The following ZNF804B variants were observed in gnomAD, a reference collection of about 807,000 sequenced individuals.
ZNF804B encodes zinc finger 804B.
In ZNF804B, 80 loss-of-function variants were observed where a neutral mutation model predicts 101.4. That is an observed-to-expected ratio of 0.79 (90% CI 0.66 to 0.95). The LOEUF (loss-of-function observed/expected upper bound fraction) is 0.95, where lower values mean the gene tolerates loss of function less well. ZNF804B is among the 40% of genes least tolerant of loss of function. The pLI is 0.00. For synonymous variants in ZNF804B, 622 were observed against 558.8 expected (o/e 1.11, Z -1.59); for missense variants, 1,673 against 1,561.9 (o/e 1.07, Z -1.20).
intron 1 of ZNF804B, among the ~76,000 whole-genome samples, chr7:89,173,805 G>C (rs1791276257): frequency 6.6e-6 from 1 of 151,854 alleles, no homozygotes; most frequent in African/African-American, 2.4e-5. Flanking sequence ...AGCAAAATTG[G>C]CCTATAGTGG....
chr7:89,276,070 A>G (rs1052065114), intron 2 of ZNF804B, among the ~76,000 whole-genome samples: 27 of 151,958 alleles, frequency 1.8e-4, no homozygotes, highest in Admixed American at 9.2e-4. Flanking sequence ...ACACAGGAAC[A>G]GAAAACCAAA....
chr7:89,167,357 T>A (rs919950848), intron 1 of ZNF804B, among the ~76,000 whole-genome samples: 76 of 151,698 alleles, frequency 5.0e-4, no homozygotes, highest in African/African-American at 1.7e-3. Context: ...GCAGGAGAAT[T>A]GCTGGAACCC....
intron 2 of ZNF804B, 117 bp downstream of exon 2, chr7:89,218,412 T>A: frequency 8.1e-7 from 1 of 1,235,890 alleles, no homozygotes; most frequent in Non-Finnish European, 1.1e-6. Flanking sequence ...ACATTTTATG[T>A]CTTTTTTCCC....
At chr7:89,100,293 A>G (rs1180123300) in intron 1 of ZNF804B, among the ~76,000 whole-genome samples, 2 of 152,156 alleles carry the variant, frequency 1.3e-5, no homozygotes, top group African/African-American at 2.4e-5. Context: ...CATATCACTT[A>G]CCATTTATAA....
chr7:89,264,388 G>C (rs997245493), intron 2 of ZNF804B, among the ~76,000 whole-genome samples: 7 of 152,168 alleles, frequency 4.6e-5, no homozygotes, highest in Non-Finnish European at 8.8e-5. Flanking sequence ...AACTAATACA[G>C]TCTTTCTCTT....
intron 2 of ZNF804B, among the ~76,000 whole-genome samples, chr7:89,326,867 T>G (rs575591250): frequency 6.6e-6 from 1 of 152,088 alleles, no homozygotes; most frequent in African/African-American, 2.4e-5. Context: ...CAAAATCACA[T>G]TTAGAGCTTT....
chr7:88,904,437 C>A (rs1584007984), intron 1 of ZNF804B, among the ~76,000 whole-genome samples: 1 of 152,000 alleles, frequency 6.6e-6, no homozygotes, highest in East Asian at 1.9e-4. Flanking sequence ...GCTATTCAGG[C>A]CTTTTTTGGT....
chr7:88,965,734 G>C (rs964714701), intron 1 of ZNF804B, among the ~76,000 whole-genome samples: 1 of 151,352 alleles, frequency 6.6e-6, no homozygotes. Flanking sequence ...TTTTCTTATT[G>C]CAGTGAATTG....
At position 88,831,028 on chromosome 7, in the gene ZNF804B, A is replaced by T. The variant is rs183835221; in HGVS notation, c.108+70944A>T. Among the ~76,000 whole-genome samples the T allele has an allele frequency of 4.1e-3, 629 of 151,950 alleles. 1 individual carries two copies. The highest frequency in any genetic ancestry group is 6.9e-3 in the Non-Finnish European group (471 of 67,854). ...TTGTCAGTTTTATTTAGATTAAAAA[A>T]TTTTTTTGAAAAGATAACAGTTGTG... On this transcript the variant is annotated intron_variant, in intron 1 of 3. Coordinates refer to ENST00000333190, the MANE Select transcript of ZNF804B (RefSeq NM_181646.5).
At chr7:88,909,279 A>C (rs865795859) in intron 1 of ZNF804B, among the ~76,000 whole-genome samples, 8 of 151,960 alleles carry the variant, frequency 5.3e-5, no homozygotes, top group Middle Eastern at 6.8e-3. Flanking sequence ...CATCTGCATG[A>C]GAAGATTAAC....
Position 89,333,538 on chromosome 7 carries a change from C to G in ZNF804B, c.556C>G (p.Pro186Ala). The G allele has an allele frequency of 6.2e-7, 1 of 1,613,454 alleles. No homozygotes were observed. Among genetic ancestry groups the G allele is most frequent in the Non-Finnish European group, 8.5e-7 (1 of 1,179,654 alleles). ...IISDKQRSTM[P>A]NRHQLQSDRR... ...ATCCGATAAACAGCGGTCCACCATG[C>G]CAAATCGACACCAATTACAATCAGA... is the stretch of plus-strand genomic sequence containing the variant. Residue 186 changes from proline to alanine, a missense_variant, in exon 4 of 4, where the codon CCA becomes GCA. Transcript: ENST00000333190.
At chr7:89,179,173 A>G (rs531297093) in intron 1 of ZNF804B, among the ~76,000 whole-genome samples, 2 of 152,102 alleles carry the variant, frequency 1.3e-5, no homozygotes, top group Non-Finnish European at 2.9e-5. Flanking sequence ...GTATTTAATA[A>G]CCTTCTTGTA....
intron 1 of ZNF804B, among the ~76,000 whole-genome samples, chr7:88,777,641 G>C (rs949913071): frequency 6.6e-6 from 1 of 151,952 alleles, no homozygotes; most frequent in Non-Finnish European, 1.5e-5. Flanking sequence ...TCAGGAATTC[G>C]AGATCAGCCT....
intron 1 of ZNF804B, among the ~76,000 whole-genome samples, chr7:88,962,706 C>CTCAT (rs1554349972): frequency 1.6e-5 from 1 of 61,890 alleles, no homozygotes; most frequent in Non-Finnish European, 3.3e-5. Flanking sequence ...TTGTTAAACT[C>CTCAT]ACATATATAT....
At chr7:89,320,596 A>G (rs1790804100) in intron 2 of ZNF804B, among the ~76,000 whole-genome samples, 1 of 151,808 alleles carries the variant, frequency 6.6e-6, no homozygotes, top group Admixed American at 6.5e-5. Flanking sequence ...CATGAGGTAG[A>G]AAAAAATGGA....
intron 1 of ZNF804B, among the ~76,000 whole-genome samples, chr7:88,817,214 C>G (rs1161173336): frequency 6.6e-6 from 1 of 151,908 alleles, no homozygotes; most frequent in Non-Finnish European, 1.5e-5. Context: ...GGGAACATCA[C>G]ACAGTGGGGC....
At chr7:89,330,564 T>G (rs1352914880) in intron 3 of ZNF804B, among the ~76,000 whole-genome samples, 1 of 151,656 alleles carries the variant, frequency 6.6e-6, no homozygotes, top group Non-Finnish European at 1.5e-5. Flanking sequence ...AATAGTAGAA[T>G]TTAAAACCCC....
chr7:89,123,704 C>G (rs991924506), intron 1 of ZNF804B, among the ~76,000 whole-genome samples: 1 of 58,484 alleles, frequency 1.7e-5, no homozygotes, highest in South Asian at 3.7e-4. Flanking sequence ...ATATAATTTA[C>G]TTAACAGCAT....
At chr7:89,205,742 C>T (rs1487584005) in intron 1 of ZNF804B, among the ~76,000 whole-genome samples, 1 of 152,182 alleles carries the variant, frequency 6.6e-6, no homozygotes, top group South Asian at 2.1e-4. Context: ...TGCAGCTTTT[C>T]CAGGCACACA....
Sources: gnomAD v4.1 joint callset for allele counts (sites outside exome capture counted in the v4.1 genomes callset) on GRCh38, gnomAD v4.1.1 for gene constraint, MANE v1.5 for transcripts, NCBI Gene and HGNC (gene_info 2026-07-23, HGNC 2026-07-21) for gene names.